The following CERKL variants were observed in gnomAD, a reference collection of about 807,000 sequenced individuals.
CERKL encodes the protein CERK like autophagy regulator, also known as ceramide kinase-like protein.
A neutral mutation model predicts 63.4 loss-of-function variants in CERKL; 61 were observed. The observed-to-expected ratio is 0.96, with a 90% confidence interval of 0.78 to 1.19. The LOEUF is 1.19. Ranked by LOEUF, CERKL falls within the 50% of genes most tolerant of loss-of-function variation. The pLI is 0.00. For missense variants in CERKL, 675 were observed against 655.5 expected, an observed-to-expected ratio of 1.03 and a Z score of -0.33; for synonymous variants, 250 against 230.5, an observed-to-expected ratio of 1.08 and a Z score of -0.77.
intron 6 of CERKL, 38 bp downstream of exon 6, chr2:181,549,596 T>TC: frequency 6.9e-7 from 1 of 1,447,044 alleles, no homozygotes; most frequent in Non-Finnish European, 9.7e-7. Flanking sequence ...AATCAACATT[T>TC]CCTTATAAAA....
intron 1 of CERKL, among the ~76,000 whole-genome samples, chr2:181,637,061 A>T (rs1159203749): frequency 2.6e-5 from 4 of 152,214 alleles, no homozygotes; most frequent in African/African-American, 9.6e-5. Context: ...TGATTTAACA[A>T]GAAAAATGCA....
chr2:181,585,379 A>C (rs1319816376), intron 2 of CERKL, among the ~76,000 whole-genome samples: 1 of 152,214 alleles, frequency 6.6e-6, no homozygotes, highest in Non-Finnish European at 1.5e-5. Flanking sequence ...ACTGCATTAA[A>C]GAAAACAAAA....
At chr2:181,651,827 A>G (rs1687951224) in intron 1 of CERKL, among the ~76,000 whole-genome samples, 2 of 152,068 alleles carry the variant, frequency 1.3e-5, no homozygotes, top group Non-Finnish European at 2.9e-5. Context: ...ACACAAAATC[A>G]ACATATAAAA....
At chr2:181,572,378 CAG>C (rs947248270) in intron 3 of CERKL, among the ~76,000 whole-genome samples, 2 of 152,140 alleles carry the variant, frequency 1.3e-5, no homozygotes, top group African/African-American at 4.8e-5. Context: ...ATGTTGAACA[CAG>C]AGCAAGCATA....
chr2:181,583,074 T>A (rs1684599293), intron 2 of CERKL, among the ~76,000 whole-genome samples: 1 of 152,082 alleles, frequency 6.6e-6, no homozygotes, highest in Non-Finnish European at 1.5e-5. Context: ...CCTACCTTTT[T>A]AATATGCGCT....
chr2:181,537,975 G>T lies in CERKL; in HGVS notation c.*209C>A, dbSNP rs911238164. ...ACCATATGGTGAACTGGTATGTGAG[G>T]GATCTAGAGTGCCATGTTCCTCAAG... is the stretch of plus-strand genomic sequence containing the variant. On this transcript the variant is annotated 3_prime_UTR_variant, in exon 13 of 13. Coordinates refer to ENST00000410087, the MANE Select transcript of CERKL (RefSeq NM_201548.5). 1.5e-6 allele frequency: 1 copy of T among 660,442 alleles called. No individual in the cohort carries two copies. The highest frequency in any genetic ancestry group is 1.5e-5 in the South Asian group (1 of 66,188). 40.9% of individuals were successfully genotyped at this position (660,442 alleles called of 1,614,324 possible). A position where few individuals can be genotyped will look rare whatever the true frequency, so the allele number is the denominator to read the frequency against.
intron 1 of CERKL, among the ~76,000 whole-genome samples, chr2:181,641,361 A>ATAT (rs1687435557): frequency 7.4e-6 from 1 of 134,238 alleles, no homozygotes. Flanking sequence ...ATATACACAT[A>ATAT]TTTTTTTCCC....
intron 1 of CERKL, among the ~76,000 whole-genome samples, chr2:181,646,488 G>A (rs993011708): frequency 5.9e-5 from 9 of 152,164 alleles, no homozygotes; most frequent in South Asian, 2.1e-4. Flanking sequence ...GTTAGTCTAC[G>A]GAGCAAGGAA....
chr2:181,543,457 C>T lies in CERKL; in HGVS notation c.1365+1243G>A, dbSNP rs12999635. On this transcript the variant is annotated intron_variant, in intron 11 of 12. Coordinates refer to ENST00000410087, the MANE Select transcript of CERKL (RefSeq NM_201548.5). ...ACTGTAATTTTTTATGATTTAAGTT[C>T]CTAAGCAGCCCAGTTAGTTGTTCAA... is the stretch of plus-strand genomic sequence containing the variant. Among the ~76,000 whole-genome samples the T allele has an allele frequency of 6.7e-3, 1,027 of 152,224 alleles. 9 individuals carry two copies. The highest frequency in any genetic ancestry group is 0.011 in the Non-Finnish European group (738 of 68,002).
intron 5 of CERKL, among the ~76,000 whole-genome samples, chr2:181,553,826 C>A (rs970057584): frequency 2.0e-5 from 3 of 152,108 alleles, no homozygotes; most frequent in Non-Finnish European, 2.9e-5. Context: ...AAAACGATAG[C>A]TTGTTCTATA....
intron 1 of CERKL, among the ~76,000 whole-genome samples, chr2:181,655,308 T>C (rs1688110260): frequency 6.6e-6 from 1 of 152,228 alleles, no homozygotes; most frequent in Non-Finnish European, 1.5e-5. Flanking sequence ...TACTGCAACA[T>C]TGGTTTGTAT....
intron 4 of CERKL, chr2:181,565,454 C>A: frequency 6.2e-7 from 1 of 1,612,158 alleles, no homozygotes; most frequent in African/African-American, 1.3e-5. Context: ...CGTTTGCATG[C>A]CAGTGAACAA....
intron 2 of CERKL, among the ~76,000 whole-genome samples, chr2:181,578,957 C>T (rs1343524461): frequency 6.6e-6 from 1 of 151,970 alleles, no homozygotes; most frequent in African/African-American, 2.4e-5. Context: ...AGTACGTACT[C>T]TTAAGGTTTT....
chr2:181,620,152 T>A (rs574076232), intron 1 of CERKL, among the ~76,000 whole-genome samples: 1 of 152,328 alleles, frequency 6.6e-6, no homozygotes, highest in South Asian at 2.1e-4. Flanking sequence ...CAGGATGAGA[T>A]GTAAACCACA....
intron 4 of CERKL, among the ~76,000 whole-genome samples, chr2:181,560,144 A>C (rs758394822): frequency 6.6e-6 from 1 of 152,166 alleles, no homozygotes; most frequent in Non-Finnish European, 1.5e-5. Context: ...TTTGACTTGA[A>C]ACTTACCTGA....
intron 1 of CERKL, among the ~76,000 whole-genome samples, chr2:181,615,955 A>G (rs1185124391): frequency 6.6e-6 from 1 of 152,140 alleles, no homozygotes; most frequent in Non-Finnish European, 1.5e-5. Flanking sequence ...TTATCTAGTA[A>G]AAGAATTAGA....
intron 12 of CERKL, among the ~76,000 whole-genome samples, chr2:181,538,871 T>C (rs1178243437): frequency 6.6e-6 from 1 of 152,166 alleles, no homozygotes; most frequent in African/African-American, 2.4e-5. Flanking sequence ...TAGACACGCA[T>C]AACCAAAGAA....
chr2:181,565,241 C>T (rs1471442657), intron 4 of CERKL, among the ~76,000 whole-genome samples: 1 of 152,142 alleles, frequency 6.6e-6, no homozygotes. Context: ...TGGGTCTTTG[C>T]CCCCTGCCCA....
At chr2:181,653,377 G>A (rs940330705) in intron 1 of CERKL, among the ~76,000 whole-genome samples, 3 of 152,146 alleles carry the variant, frequency 2.0e-5, no homozygotes, top group African/African-American at 7.2e-5. Flanking sequence ...AAAAATAGAA[G>A]TATCATATGA....
Sources: gnomAD v4.1 joint callset for allele counts (sites outside exome capture counted in the v4.1 genomes callset) on GRCh38, gnomAD v4.1.1 for gene constraint, MANE v1.5 for transcripts, NCBI Gene and HGNC (gene_info 2026-07-23, HGNC 2026-07-21) for gene names.